USP54: variants seen among roughly 807,000 people sequenced by gnomAD.
USP54 encodes ubiquitin carboxyl-terminal hydrolase 54.
USP54 carries 87 observed loss-of-function variants against 170.5 expected under a neutral mutation model. That is an observed-to-expected ratio of 0.51 (90% CI 0.43 to 0.61). The LOEUF (loss-of-function observed/expected upper bound fraction) is 0.61. Among genes scored for constraint, USP54 ranks in the 20% least tolerant of loss-of-function variants. The pLI is 0.00. For missense variants in USP54, 1,786 were observed against 2,047.8 expected, an observed-to-expected ratio of 0.87 and a Z score of 2.47; for synonymous variants, 655 against 742.8, an observed-to-expected ratio of 0.88 and a Z score of 1.92.
At chr10:73,533,470 T>C (rs2064484583) in intron 12 of USP54, among the ~76,000 whole-genome samples, 1 of 151,970 alleles carries the variant, frequency 6.6e-6, no homozygotes, top group Admixed American at 6.6e-5. Context: ...TGAGTTATAA[T>C]TACTGAAACT....
At chr10:73,622,753 G>A (rs2081192066) in intron 1 of USP54, among the ~76,000 whole-genome samples, 1 of 152,066 alleles carries the variant, frequency 6.6e-6, no homozygotes, top group African/African-American at 2.4e-5. Context: ...AGGTGCTTGA[G>A]ATCAGCATGG....
Position 73,545,749 on chromosome 10 carries a change from A to G in USP54, c.241-77T>C, listed in dbSNP as rs767403353. The G allele has an allele frequency of 3.3e-4, 507 of 1,532,872 alleles. 3 individuals are homozygous for G. The highest frequency in any genetic ancestry group is 4.9e-4 in the Admixed American group (26 of 53,586). 95.0% of individuals were successfully genotyped at this position (1,532,872 alleles called of 1,614,324 possible). On this transcript the variant is annotated intron_variant, in intron 4 of 23. Transcript: ENST00000687698. ...TCTATACATCCTAGTCTGTCATGCT[A>G]GCATCTCCATGATGATAGCTATGAA...
chr10:73,534,775 G>C lies in USP54; in HGVS notation c.1145-5C>G. On this transcript the variant is annotated splice_region_variant and splice_polypyrimidine_tract_variant and intron_variant, in intron 11 of 23. Coordinates refer to ENST00000687698, the MANE Select transcript of USP54 (RefSeq NM_001391956.1). ...TTGAGATGGAGGGCTCCCTCCCTGA[G>C]AGGAGGAGGAAACACATATGCAAAA... The C allele has an allele frequency of 6.2e-7, 1 of 1,613,184 alleles. No homozygotes were observed. Among genetic ancestry groups the C allele is most frequent in the Non-Finnish European group, 8.5e-7 (1 of 1,179,450 alleles).
chr10:73,532,088 A>C (rs1034774360), intron 12 of USP54, among the ~76,000 whole-genome samples: 1 of 152,208 alleles, frequency 6.6e-6, no homozygotes, highest in African/African-American at 2.4e-5. Context: ...GCCCCTTGGA[A>C]TCTTGTATTG....
In USP54 at chr10:73,526,510, G is replaced by A. The variant is rs954658476; in HGVS notation, c.2194+137C>T. The A allele has an allele frequency of 3.2e-6, 4 of 1,262,030 alleles. No individual in the cohort carries two copies. The South Asian group carries it at 5.8e-5, about 18-fold the overall frequency. The allele number at this position is 1,262,030 out of a possible 1,614,324, so 78.2% of individuals were successfully genotyped here. A position where few individuals can be genotyped will look rare whatever the true frequency, so the allele number is the denominator to read the frequency against. ...AATCTGCCTGCCTCGGCCTCCCAAA[G>A]TGCTGGGATTACAGGTGTGAGCCAC... On this transcript the variant is annotated intron_variant, in intron 16 of 23. Transcript: ENST00000687698.
rs138141992 is a variant in USP54 at position 73,500,799 on chromosome 10, G to A, written c.4351C>T (p.Arg1451Cys). The A allele has an allele frequency of 2.5e-4, 395 of 1,599,168 alleles. 1 individual carries two copies. In the African/African-American group the frequency reaches 3.8e-3, roughly 15 times the overall value. Residue 1451 changes from arginine (R) to cysteine (C), a missense_variant, in exon 23 of 24, where the codon CGT (arginine) becomes TGT (cysteine). Arg to Cys is a radical substitution (Grantham distance 180). Around this residue, in one of 3 missense-constraint regions of USP54, gnomAD observed 1,418 missense variants for 1,569.0 expected, o/e 0.90. Transcript: ENST00000687698. ...GGGAGGGAAGAGGAGCTGGAACAAC[G>A]GTGCCCGGTTTCCAAAGGCTTCCTC... ...NVRKPLETGHRCSSSSSLPVI... is the reference protein window; with the variant it reads ...NVRKPLETGHCCSSSSSLPVI...
intron 9 of USP54, 83 bp downstream of exon 9, chr10:73,541,292 C>T: frequency 1.3e-6 from 2 of 1,570,396 alleles, no homozygotes; most frequent in Non-Finnish European, 1.7e-6. Context: ...CTAGGACATA[C>T]CTGTTTGTCT....
At chr10:73,591,931 T>A (rs1207557528), upstream of USP54, among the ~76,000 whole-genome samples, 2 of 152,202 alleles carry the variant, frequency 1.3e-5, no homozygotes, top group East Asian at 1.9e-4. Flanking sequence ...CGAGCCACAC[T>A]ATTAAAGAAA....
rs561136642 is a variant in USP54, at chr10:73,507,799, G to A, written c.4052-2373C>T. Among the ~76,000 whole-genome samples, 31 of 151,418 alleles carry A rather than the reference G, an allele frequency of 2.0e-4. 1 individual carries two copies. The South Asian group carries it at 6.5e-3, about 32-fold the overall frequency. ...GCCTAGGAATTCAAGACCAGCCTAGGCAACATAGTGAGACCCCATCTCTAA... is the reference window on the plus strand; with the variant it reads ...GCCTAGGAATTCAAGACCAGCCTAGACAACATAGTGAGACCCCATCTCTAA... On this transcript the variant is annotated intron_variant, in intron 20 of 23. Coordinates refer to ENST00000687698, the MANE Select transcript of USP54 (RefSeq NM_001391956.1).
intron 1 of USP54, among the ~76,000 whole-genome samples, chr10:73,613,445 A>ATT (rs557903103): frequency 0.036 from 5,210 of 144,762 alleles, 144 homozygotes; most frequent in South Asian, 0.12. Flanking sequence ...GCCTACCACC[A>ATT]TTTTTTTTTT....
intron 1 of USP54, among the ~76,000 whole-genome samples, chr10:73,577,131 T>G (rs1235309451): frequency 6.6e-6 from 1 of 152,216 alleles, no homozygotes; most frequent in African/African-American, 2.4e-5. Flanking sequence ...CATCTCCAGC[T>G]TTAAGTTTTC....
intron 1 of USP54, among the ~76,000 whole-genome samples, chr10:73,617,342 G>A (rs2132340590): frequency 1.3e-5 from 2 of 149,364 alleles, no homozygotes; most frequent in South Asian, 4.2e-4. Flanking sequence ...TGTAATCCCA[G>A]TTACGTGGGA....
At position 73,526,726 on chromosome 10, in the gene USP54, T is replaced by A. The variant is rs751898607; in HGVS notation, c.2115A>T (p.Pro705=). The change falls in exon 16 of 24, where the codon CCA becomes CCT. Residue 705 remains proline, a synonymous_variant. Transcript: ENST00000687698. ...AGLVPSWRHI[P]KSHSSSILEV... is the part of the protein sequence containing the mutation. ...CCAGGATGCTACTGCTGTGCGACTT[T>A]GGGATATGACGCCAGGAAGGAACCA... 1.2e-6 allele frequency: 2 copies of A among 1,614,158 alleles called. No individual in the cohort carries two copies. The highest frequency in any genetic ancestry group is 3.3e-5 in the Admixed American group (2 of 60,018).
At chr10:73,528,430 G>GT (rs1347077345) in intron 15 of USP54, among the ~76,000 whole-genome samples, 1 of 150,166 alleles carries the variant, frequency 6.7e-6, no homozygotes, top group East Asian at 2.0e-4. Flanking sequence ...TTTTGTTTTT[G>GT]TATCTTTAGT....
At chr10:73,602,090 C>T (rs1332901371) in intron 1 of USP54, among the ~76,000 whole-genome samples, 2 of 152,178 alleles carry the variant, frequency 1.3e-5, no homozygotes, top group Non-Finnish European at 2.9e-5. Context: ...TTAAATTAGC[C>T]AAGGCAGCTA....
Position 73,563,217 on chromosome 10 carries a change from G to C in USP54, c.240+8204C>G, listed in dbSNP as rs533789124. Among the ~76,000 whole-genome samples, 6 of 150,842 alleles carry C rather than the reference G, an allele frequency of 4.0e-5. No individual in the cohort carries two copies. In the South Asian group the frequency reaches 1.3e-3, roughly 32 times the overall value. Reference sequence around the variant, plus strand: ...GATCCTCCTGCCTCAGCCTCCCAAAGTGCTGGGATTACAGATGTGAGCCAC... The same window carrying C: ...GATCCTCCTGCCTCAGCCTCCCAAACTGCTGGGATTACAGATGTGAGCCAC... On this transcript the variant is annotated intron_variant, in intron 4 of 23. Coordinates refer to ENST00000687698, the MANE Select transcript of USP54 (RefSeq NM_001391956.1).
intron 5 of USP54, 25 bp downstream of exon 5, chr10:73,545,513 A>G: frequency 6.2e-7 from 1 of 1,613,084 alleles, no homozygotes; most frequent in East Asian, 2.2e-5. Flanking sequence ...CCCCATATCA[A>G]AGAGGGCCAG....
At chr10:73,587,625 A>G (rs541716306) in intron 1 of USP54, among the ~76,000 whole-genome samples, 6 of 152,328 alleles carry the variant, frequency 3.9e-5, no homozygotes, top group Admixed American at 2.6e-4. Context: ...GTGGAATAGA[A>G]CAGGTCTCAG....
At chr10:73,599,186 G>C (rs907384934) in intron 1 of USP54, among the ~76,000 whole-genome samples, 1 of 152,164 alleles carries the variant, frequency 6.6e-6, no homozygotes, top group East Asian at 1.9e-4. Context: ...ACAGTTATTC[G>C]ATGTCTGACA....
Sources: gnomAD v4.1 joint callset for allele counts (sites outside exome capture counted in the v4.1 genomes callset) on GRCh38, gnomAD v4.1.1 for gene constraint, gnomAD v4.1.1 regional missense constraint, MANE v1.5 for transcripts, NCBI Gene and HGNC (gene_info 2026-07-23, HGNC 2026-07-21) for gene names.